TRPM7: variants seen among roughly 807,000 people sequenced by gnomAD.
The protein encoded by TRPM7 is transient receptor potential cation channel subfamily M member 7.
A neutral mutation model predicts 229.7 loss-of-function variants in TRPM7; 134 were observed. The ratio of observed to expected loss-of-function variants is 0.58; its 90% CI spans 0.51 to 0.67. The LOEUF (loss-of-function observed/expected upper bound fraction) is 0.67. Among genes scored for constraint, TRPM7 ranks in the 30% least tolerant of loss-of-function variants. The pLI is 0.00. For synonymous variants in TRPM7, 699 were observed against 715.2 expected (o/e 0.98, Z 0.36); for missense variants, 1,901 against 2,210.0 (o/e 0.86, Z 2.80).
chr15:50,579,051 G>A (rs759505198), intron 30 of TRPM7, among the ~76,000 whole-genome samples: 25 of 152,160 alleles, frequency 1.6e-4, no homozygotes, highest in Non-Finnish European at 3.1e-4. Context: ...TATTTCAATA[G>A]AATTGATGGA....
intron 38 of TRPM7, among the ~76,000 whole-genome samples, chr15:50,568,127 AAAAAAC>A (rs1433755753): frequency 2.6e-5 from 4 of 151,194 alleles, no homozygotes; most frequent in African/African-American, 4.9e-5. Context: ...AAAAAAAAAA[AAAAAAC>A]AAGGAGTAGA....
chr15:50,623,488 C>CCA (rs2060474838), intron 12 of TRPM7, among the ~76,000 whole-genome samples: 1 of 85,516 alleles, frequency 1.2e-5, no homozygotes, highest in African/African-American at 4.2e-5. Context: ...TGCTGCCCCG[C>CCA]CCCCTCCCCG....
At chr15:50,561,901 ATTTTC>A (rs2053330804) in intron 38 of TRPM7, 93 bp from the exon 39 acceptor site, 8 of 1,286,906 alleles carry the variant, frequency 6.2e-6, no homozygotes, top group Non-Finnish European at 8.3e-6. Flanking sequence ...GGAACCTTTT[ATTTTC>A]TTTTCAAGAC....
chr15:50,589,684 G>A, intron 26 of TRPM7, 28 bp from the exon 27 acceptor site: 1 of 1,494,126 alleles, frequency 6.7e-7, no homozygotes, highest in Non-Finnish European at 9.2e-7. Flanking sequence ...ATGTTGCAAT[G>A]AGAAATTTTT....
Position 50,611,363 on chromosome 15 carries a change from C to A in TRPM7, c.2052-42G>T, listed in dbSNP as rs746088798. ...GCCAAAATATACTCAGATTAACAAACTGCAATTTTAAACCACTATTCTTAT... is the reference window on the plus strand; with the variant it reads ...GCCAAAATATACTCAGATTAACAAAATGCAATTTTAAACCACTATTCTTAT... On this transcript the variant is annotated intron_variant, in intron 16 of 38. Transcript: ENST00000646667. 8 of 1,495,972 alleles carry A rather than the reference C, an allele frequency of 5.3e-6. No homozygotes were observed. The South Asian group carries it at 8.2e-5, about 15-fold the overall frequency. 92.7% of individuals were successfully genotyped at this position (1,495,972 alleles called of 1,614,324 possible). A position where few individuals can be genotyped will look rare whatever the true frequency, so the allele number is the denominator to read the frequency against.
chr15:50,637,130 A>AC (rs2060932227), intron 7 of TRPM7, among the ~76,000 whole-genome samples: 1 of 36,576 alleles, frequency 2.7e-5, no homozygotes, highest in South Asian at 9.0e-4. Context: ...CGCCTCAAAG[A>AC]AAAAAAAAAA....
chr15:50,637,505 T>A lies in TRPM7; in HGVS notation c.749A>T (p.Asp250Val). The A allele has an allele frequency of 6.2e-7, 1 of 1,614,156 alleles. No homozygotes were observed. The highest frequency in any genetic ancestry group is 2.2e-5 in the East Asian group (1 of 44,868). ...NLHSHFILVD[D>V]GTVGKYGAEV... ...CGCCCCATACTTTCCAACAGTGCCA[T>A]CATCCACCAATATGAAATGGGAATG... is the stretch of plus-strand genomic sequence containing the variant. Residue 250 changes from aspartate to valine, a missense_variant, in exon 7 of 39, where the codon GAT (aspartate) becomes GTT (valine). Transcript: ENST00000646667.
chr15:50,651,402 T>C (rs1475162393), intron 3 of TRPM7, among the ~76,000 whole-genome samples: 2 of 152,108 alleles, frequency 1.3e-5, no homozygotes, highest in Non-Finnish European at 2.9e-5. Context: ...TCCCAGCACT[T>C]TGGGAAGCCG....
intron 6 of TRPM7, among the ~76,000 whole-genome samples, chr15:50,638,381 A>G (rs1019773041): frequency 1.4e-4 from 20 of 139,460 alleles, no homozygotes; most frequent in Admixed American, 5.8e-4. Context: ...AAAAAAAAAA[A>G]AAAAAAAAAA....
intron 3 of TRPM7, among the ~76,000 whole-genome samples, chr15:50,649,176 C>G (rs1186307610): frequency 6.6e-6 from 1 of 152,064 alleles, no homozygotes; most frequent in African/African-American, 2.4e-5. Flanking sequence ...CTGTGGCTCA[C>G]GCGGGTAATC....
chr15:50,563,414 G>T (rs1294883568), intron 38 of TRPM7, among the ~76,000 whole-genome samples: 2 of 152,192 alleles, frequency 1.3e-5, no homozygotes, highest in Non-Finnish European at 2.9e-5. Context: ...TTTGTTTCAA[G>T]AACTATTCTG....
chr15:50,600,407 A>G (rs1427825269), intron 21 of TRPM7, among the ~76,000 whole-genome samples: 2 of 151,738 alleles, frequency 1.3e-5, no homozygotes, highest in South Asian at 4.2e-4. Flanking sequence ...ACTGCACTCC[A>G]GTCTGGGAGA....
intron 7 of TRPM7, among the ~76,000 whole-genome samples, chr15:50,634,832 G>A (rs919566961): frequency 6.6e-6 from 1 of 151,950 alleles, no homozygotes; most frequent in Non-Finnish European, 1.5e-5. Context: ...ATAATAGACA[G>A]CAAATAATTT....
intron 13 of TRPM7, among the ~76,000 whole-genome samples, chr15:50,617,874 G>A (rs1440481902): frequency 6.6e-6 from 1 of 151,904 alleles, no homozygotes; most frequent in Non-Finnish European, 1.5e-5. Context: ...GCCCAGGCTG[G>A]TCTCAAACCC....
At chr15:50,650,192 CAAAAAAAAAA>C (rs59579538) in intron 3 of TRPM7, among the ~76,000 whole-genome samples, 2,017 of 62,320 alleles carry the variant, frequency 0.032, 58 homozygotes, top group African/African-American at 0.13. Context: ...GACTTTGTCT[CAAAAAAAAAA>C]AAAAAAAAAA....
chr15:50,640,111 T>C (rs1426897894), intron 5 of TRPM7, among the ~76,000 whole-genome samples: 2 of 152,156 alleles, frequency 1.3e-5, no homozygotes, highest in Non-Finnish European at 2.9e-5. Context: ...TTTTTTATTA[T>C]TGCTCTACAC....
chr15:50,619,958 C>T (rs2060343020), intron 12 of TRPM7, among the ~76,000 whole-genome samples, 160 bp from the exon 13 acceptor site: 1 of 152,164 alleles, frequency 6.6e-6, no homozygotes, highest in Non-Finnish European at 1.5e-5. Flanking sequence ...TTCACATTTA[C>T]TGCCAAAAAA....
intron 28 of TRPM7, among the ~76,000 whole-genome samples, chr15:50,585,759 T>C (rs1288465476): frequency 6.6e-6 from 1 of 152,224 alleles, no homozygotes; most frequent in African/African-American, 2.4e-5. Flanking sequence ...GGAACCTTTA[T>C]AATTATTCAA....
intron 38 of TRPM7, among the ~76,000 whole-genome samples, chr15:50,565,300 T>C (rs2053548451): frequency 6.6e-6 from 1 of 152,032 alleles, no homozygotes; most frequent in Non-Finnish European, 1.5e-5. Context: ...TGTTTAAATT[T>C]AAAACAAAAT....
Sources: allele counts gnomAD v4.1 joint callset (sites outside exome capture counted in the v4.1 genomes callset), GRCh38; gene constraint gnomAD v4.1.1; transcripts MANE v1.5; gene names NCBI Gene and HGNC (gene_info 2026-07-23, HGNC 2026-07-21).